The following ARL17B variants were observed in gnomAD, a reference collection of about 807,000 sequenced individuals.
The protein encoded by ARL17B is ARF like GTPase 17B, also known as ADP-ribosylation factor-like protein 17.
At chr17:46,279,183 TC>T (rs2049685874) in intron 4 of ARL17B, among the ~76,000 whole-genome samples, 1 of 150,546 alleles carries the variant, frequency 6.6e-6, no homozygotes. Context: ...TTCTTTTTTT[TC>T]TTTTTTTTTT....
intron 4 of ARL17B, among the ~76,000 whole-genome samples, chr17:46,280,535 G>GA (rs1336070510): frequency 2.1e-5 from 3 of 142,062 alleles, no homozygotes; most frequent in Admixed American, 7.2e-5. Context: ...TTATTAAAAA[G>GA]AAAAAAATTT....
chr17:46,280,448 C>T (rs1251210455), intron 4 of ARL17B, among the ~76,000 whole-genome samples: 2 of 152,038 alleles, frequency 1.3e-5, no homozygotes, highest in Non-Finnish European at 2.9e-5. Flanking sequence ...CCAAGGTTGG[C>T]GGGAGGATCG....
At position 46,340,095 on chromosome 17, in the gene ARL17B, G is replaced by A. The variant is rs1444020771; in HGVS notation, c.260-321C>T. On this transcript the variant is annotated intron_variant, in intron 3 of 3. Transcript: ENST00000450673. ...AGTTTTTTCTGGAATGTTTTCACTG[G>A]AATGAAAGCTGAGCGGTCTGCAGGC... 1.2e-4 allele frequency among the ~76,000 whole-genome samples: 12 copies of A among 98,526 alleles called. 1 individual carries two copies. Among genetic ancestry groups the A allele is most frequent in the Admixed American group, 3.0e-4 (3 of 9,992 alleles). The allele number at this position is 98,526 out of a possible 152,430, so 64.6% of individuals were successfully genotyped here.
intron 4 of ARL17B, among the ~76,000 whole-genome samples, chr17:46,276,192 CACA>C (rs1410309141): frequency 2.0e-5 from 3 of 152,230 alleles, no homozygotes; most frequent in African/African-American, 7.2e-5. Flanking sequence ...AGGCTGGCCT[CACA>C]ACTTTTGTCA....
exon 5 of ARL17B, chr17:46,275,156 T>C (rs2049553282): frequency 7.3e-6 from 2 of 273,882 alleles, no homozygotes; most frequent in East Asian, 1.5e-4. Context: ...CCTCCCAAAG[T>C]GCTGGGATTA....
chr17:46,282,294 G>A (rs567795763), intron 4 of ARL17B, among the ~76,000 whole-genome samples: 7 of 151,898 alleles, frequency 4.6e-5, no homozygotes, highest in African/African-American at 1.4e-4. Flanking sequence ...TAGTAGAGAC[G>A]GGGTTTCACC....
At chr17:46,340,863 T>C (rs1195345816) in intron 3 of ARL17B, among the ~76,000 whole-genome samples, 2 of 78,130 alleles carry the variant, frequency 2.6e-5, no homozygotes, top group Non-Finnish European at 7.1e-5. Flanking sequence ...TTTCTGAAAA[T>C]ACACCTGTGG....
At chr17:46,286,982 C>T (rs186265273) in intron 4 of ARL17B, among the ~76,000 whole-genome samples, 28 of 152,328 alleles carry the variant, frequency 1.8e-4, no homozygotes, top group African/African-American at 5.8e-4. Flanking sequence ...GTATTCACAA[C>T]GAAAATGACA....
chr17:46,289,783 TA>T (rs1327895335), intron 4 of ARL17B, among the ~76,000 whole-genome samples: 1 of 152,256 alleles, frequency 6.6e-6, no homozygotes, highest in Non-Finnish European at 1.5e-5. Flanking sequence ...AAAGAGTTTT[TA>T]ATTTTTTTAA....
Position 46,316,657 on chromosome 17 carries a change from G to A in ARL17B, c.260-16992C>T, listed in dbSNP as rs538898019. The stretch of plus-strand genomic sequence containing the variant: ...TATTGATCATTCTTGGGTGTTTCTC[G>A]CAGAGGGGGATTTGGCAGGGTCATA... On this transcript the variant is annotated intron_variant, in intron 3 of 4. Coordinates refer to the ARL17B transcript ENST00000434041. Among the ~76,000 whole-genome samples, 70 of 64,730 alleles carry A rather than the reference G, an allele frequency of 1.1e-3. 14 individuals are homozygous for A. In the East Asian group the frequency reaches 0.017, roughly 15 times the overall value. The allele number at this position is 64,730 out of a possible 152,430, so 42.5% of individuals were successfully genotyped here.
rs1327041227 is a variant in ARL17B, at chr17:46,340,930, C to T, written c.260-1156G>A. On this transcript the variant is annotated intron_variant, in intron 3 of 3. Transcript: ENST00000450673. Reference sequence around the variant, plus strand: ...TTCTTTTTTTTTTTTTTTCCAGAGACGGGCCTCACTTTGTTGCCCAGGCTG... The same window carrying T: ...TTCTTTTTTTTTTTTTTTCCAGAGATGGGCCTCACTTTGTTGCCCAGGCTG... Among the ~76,000 whole-genome samples, 25 of 77,994 alleles carry T rather than the reference C, an allele frequency of 3.2e-4. 7 individuals carry two copies. The highest frequency in any genetic ancestry group is 8.8e-4 in the African/African-American group (23 of 26,098). The allele number at this position is 77,994 out of a possible 152,430, so 51.2% of individuals were successfully genotyped here. A position where few individuals can be genotyped will look rare whatever the true frequency, so the allele number is the denominator to read the frequency against.
intron 4 of ARL17B, among the ~76,000 whole-genome samples, chr17:46,289,589 C>T: frequency 6.6e-6 from 1 of 152,196 alleles, no homozygotes; most frequent in Non-Finnish European, 1.5e-5. Flanking sequence ...GTCTGCCCAC[C>T]TTGGCCTCCC....
At chr17:46,278,767 T>C (rs977758247) in intron 4 of ARL17B, among the ~76,000 whole-genome samples, 1 of 152,188 alleles carries the variant, frequency 6.6e-6, no homozygotes, top group African/African-American at 2.4e-5. Flanking sequence ...TGTAGGCTGA[T>C]TCTAAAAGTT....
At chr17:46,331,148 A>C (rs550966947), downstream of ARL17B, 1 of 734,408 alleles carries the variant, frequency 1.4e-6, no homozygotes, top group African/African-American at 1.7e-5. Context: ...TAGAGTTACA[A>C]ATACGAAGAC....
intron 4 of ARL17B, among the ~76,000 whole-genome samples, chr17:46,291,376 G>C (rs186215393): frequency 6.6e-6 from 1 of 152,024 alleles, no homozygotes; most frequent in East Asian, 1.9e-4. Context: ...ACTGTGAGCA[G>C]GACTAAAACT....
chr17:46,279,549 T>C (rs555722615), intron 4 of ARL17B, among the ~76,000 whole-genome samples: 39 of 148,202 alleles, frequency 2.6e-4, no homozygotes, highest in African/African-American at 8.5e-4. Context: ...TCGTCCAGGC[T>C]GGAGTGTAGT....
At chr17:46,275,701 A>G (rs1163567606) in intron 4 of ARL17B, among the ~76,000 whole-genome samples, 1 of 152,250 alleles carries the variant, frequency 6.6e-6, no homozygotes. Flanking sequence ...CAACTGGACA[A>G]ATAGAGACAT....
chr17:46,340,198 TTTTG>T (rs968243877), intron 3 of ARL17B, among the ~76,000 whole-genome samples: 26 of 86,882 alleles, frequency 3.0e-4, no homozygotes, highest in East Asian at 2.3e-3. Context: ...AATTCAGGAG[TTTTG>T]TTTGTTTTTT....
chr17:46,315,327 C>A (rs1375289553), intron 3 of ARL17B, among the ~76,000 whole-genome samples: 2 of 99,804 alleles, frequency 2.0e-5, no homozygotes, highest in East Asian at 4.8e-4. Context: ...GAGTTCAAGG[C>A]CAGCCAGGGC....
Sources: allele counts gnomAD v4.1 joint callset (sites outside exome capture counted in the v4.1 genomes callset), GRCh38; gene constraint gnomAD v4.1.1; transcripts MANE v1.5; gene names NCBI Gene and HGNC (gene_info 2026-07-23, HGNC 2026-07-21).